NOL4: variants seen among roughly 807,000 people sequenced by gnomAD.
The protein encoded by NOL4 is cancer/testis antigen 125.
Under a neutral mutation model 75.9 loss-of-function variants are expected in NOL4, and 17 were observed. That is an observed-to-expected ratio of 0.22 (90% CI 0.15 to 0.34). NOL4 has a LOEUF of 0.34. NOL4 is among the 10% of genes least tolerant of loss of function. The pLI is 1.00. For missense variants in NOL4, 614 were observed against 793.5 expected, an observed-to-expected ratio of 0.77 and a Z score of 2.72; for synonymous variants, 292 against 289.9, an observed-to-expected ratio of 1.01 and a Z score of -0.07.
At chr18:34,139,126 G>A (rs1276939381) in intron 1 of NOL4, among the ~76,000 whole-genome samples, 1 of 152,160 alleles carries the variant, frequency 6.6e-6, no homozygotes, top group African/African-American at 2.4e-5. Context: ...AGGGATATTG[G>A]TCTAAAATTC....
At chr18:34,103,203 T>C (rs2079120499) in intron 4 of NOL4, among the ~76,000 whole-genome samples, 1 of 152,076 alleles carries the variant, frequency 6.6e-6, no homozygotes, top group Non-Finnish European at 1.5e-5. Flanking sequence ...AGATAATTTA[T>C]TAGCCTGAGG....
chr18:33,903,663 C>T (rs1329808213), intron 9 of NOL4, among the ~76,000 whole-genome samples: 2 of 152,122 alleles, frequency 1.3e-5, no homozygotes, highest in African/African-American at 2.4e-5. Context: ...ATAATTGTGC[C>T]TCTATCTATA....
intron 6 of NOL4, among the ~76,000 whole-genome samples, chr18:33,960,151 T>G (rs1324049786): frequency 6.6e-6 from 1 of 152,106 alleles, no homozygotes; most frequent in Non-Finnish European, 1.5e-5. Flanking sequence ...GTAAGAAGAA[T>G]TATCACTTGC....
chr18:33,858,665 T>A (rs72953399), intron 10 of NOL4, among the ~76,000 whole-genome samples: 25,359 of 152,052 alleles, frequency 0.17, 2,256 homozygotes, highest in African/African-American at 0.18. Context: ...TGATAGAATT[T>A]TAGTAGCATC....
At chr18:33,988,464 A>G (rs1432892466) in intron 6 of NOL4, among the ~76,000 whole-genome samples, 1 of 151,700 alleles carries the variant, frequency 6.6e-6, no homozygotes, top group Non-Finnish European at 1.5e-5. Flanking sequence ...AAACTATGAA[A>G]CCCTGTTCAT....
At chr18:34,009,365 T>C (rs1036519054) in intron 6 of NOL4, among the ~76,000 whole-genome samples, 13 of 151,952 alleles carry the variant, frequency 8.6e-5, no homozygotes, top group African/African-American at 2.9e-4. Context: ...TAAATCAATG[T>C]TCTTCTTCAA....
intron 10 of NOL4, among the ~76,000 whole-genome samples, chr18:33,854,886 G>A (rs922942039): frequency 6.6e-6 from 1 of 151,836 alleles, no homozygotes; most frequent in Non-Finnish European, 1.5e-5. Context: ...ATTCTAATCG[G>A]CAGTTTTTGA....
intron 1 of NOL4, among the ~76,000 whole-genome samples, chr18:34,174,573 C>G (rs538625325): frequency 6.6e-6 from 1 of 151,934 alleles, no homozygotes; most frequent in African/African-American, 2.4e-5. Context: ...ATGTGCAGAA[C>G]ATGCAGTTTT....
At chr18:33,865,163 A>C (rs565373016) in intron 10 of NOL4, among the ~76,000 whole-genome samples, 5 of 152,120 alleles carry the variant, frequency 3.3e-5, no homozygotes, top group Non-Finnish European at 7.4e-5. Context: ...CTAAGCTTTC[A>C]TATTAAAGCC....
chr18:34,177,159 C>A (rs191498480), intron 1 of NOL4, among the ~76,000 whole-genome samples: 4 of 151,630 alleles, frequency 2.6e-5, no homozygotes, highest in Admixed American at 2.6e-4. Flanking sequence ...TGAAAATAAG[C>A]AAGTCAAAAA....
chr18:33,930,088 T>C (rs912656423), intron 9 of NOL4, among the ~76,000 whole-genome samples: 8 of 152,228 alleles, frequency 5.3e-5, no homozygotes, highest in African/African-American at 1.7e-4. Flanking sequence ...ATTTTAACCA[T>C]GTTACTAAAT....
At chr18:34,032,278 T>C (rs1409854197) in intron 5 of NOL4, among the ~76,000 whole-genome samples, 4 of 152,128 alleles carry the variant, frequency 2.6e-5, no homozygotes, top group Non-Finnish European at 4.4e-5. Context: ...GGCTGCAGCA[T>C]AACCACTGCT....
intron 1 of NOL4, among the ~76,000 whole-genome samples, chr18:34,161,443 G>A (rs1406669564): frequency 3.9e-5 from 6 of 152,054 alleles, no homozygotes. Flanking sequence ...TCAAAAGGAG[G>A]ACAATTTTGC....
intron 9 of NOL4, among the ~76,000 whole-genome samples, chr18:33,897,907 A>T (rs1214626568): frequency 6.6e-6 from 1 of 151,904 alleles, no homozygotes; most frequent in Non-Finnish European, 1.5e-5. Context: ...TATTTTAAAA[A>T]ATCTCCTTTT....
intron 8 of NOL4, among the ~76,000 whole-genome samples, chr18:33,953,174 T>C (rs1340509450): frequency 1.6e-5 from 2 of 124,236 alleles, no homozygotes; most frequent in Non-Finnish European, 3.7e-5. Flanking sequence ...TCTAACGAGA[T>C]GTTAGAAGAA....
At chr18:34,139,061 C>T (rs889539826) in intron 1 of NOL4, among the ~76,000 whole-genome samples, 3 of 152,142 alleles carry the variant, frequency 2.0e-5, no homozygotes, top group Non-Finnish European at 4.4e-5. Context: ...TTTTGATGTG[C>T]TGCTGGATTT....
intron 2 of NOL4, among the ~76,000 whole-genome samples, chr18:34,110,795 C>T (rs1307315171): frequency 1.3e-5 from 2 of 151,914 alleles, no homozygotes; most frequent in Non-Finnish European, 2.9e-5. Flanking sequence ...AAAGACCCCA[C>T]CAAAACAATG....
intron 6 of NOL4, among the ~76,000 whole-genome samples, chr18:34,017,461 G>A (rs960795871): frequency 3.9e-5 from 6 of 152,058 alleles, no homozygotes; most frequent in African/African-American, 1.4e-4. Context: ...ACTTCCATGT[G>A]GTAAGAACAT....
intron 5 of NOL4, among the ~76,000 whole-genome samples, chr18:34,073,406 T>C (rs1384500239): frequency 6.6e-6 from 1 of 151,976 alleles, no homozygotes; most frequent in Admixed American, 6.5e-5. Flanking sequence ...AGATGTTCAA[T>C]CTCTTATAAA....
Sources: allele counts gnomAD v4.1 joint callset (sites outside exome capture counted in the v4.1 genomes callset), GRCh38; gene constraint gnomAD v4.1.1; transcripts MANE v1.5; gene names NCBI Gene and HGNC (gene_info 2026-07-23, HGNC 2026-07-21).